Variants in PNCK observed in about 807,000 individuals in gnomAD.
The protein encoded by PNCK is pregnancy up-regulated nonubiquitous CaM kinase.
A neutral mutation model predicts 28.3 loss-of-function variants in PNCK; 21 were observed. The observed-to-expected ratio is 0.74, with a 90% CI of 0.53 to 1.07. The LOEUF (loss-of-function observed/expected upper bound fraction) is 1.07, where lower values mean the gene tolerates loss of function less well. Ranked by LOEUF, PNCK falls within the 50% of genes least tolerant of loss-of-function variation. PNCK has a pLI of 0.00. For missense variants in PNCK, 250 were observed against 298.3 expected (o/e 0.84, Z 1.19); for synonymous variants, 136 against 125.2 (o/e 1.09, Z -0.58).
At chrX:153,673,672 C>T in intron 1 of PNCK, 108 bp downstream of exon 1, 1 of 457,984 alleles carries the variant, frequency 2.2e-6, no homozygotes, top group Non-Finnish European at 2.7e-6. Context: ...GCAGGGGGCG[C>T]GCCAGGCGTG....
chrX:153,682,361 C>A (rs1338644029), intron 1 of PNCK, among the ~76,000 whole-genome samples: 2 of 111,877 alleles, frequency 1.8e-5, no homozygotes, highest in African/African-American at 6.5e-5. Context: ...GCTCACGGCA[C>A]CCTTGACCTC....
At chrX:153,687,292 ACT>A in intron 1 of PNCK, 3 of 275,662 alleles carry the variant, frequency 1.1e-5, no homozygotes, top group South Asian at 6.6e-5. Flanking sequence ...GCCCCTACCC[ACT>A]CTCACGCCAG....
chrX:153,683,328 GACGGGGCTTC>G (rs1386980587), intron 1 of PNCK, among the ~76,000 whole-genome samples: 5 of 110,776 alleles, frequency 4.5e-5, no homozygotes, highest in Admixed American at 1.9e-4. Context: ...TTTTAGTAGA[GACGGGGCTTC>G]ACCATGTTAG....
In PNCK at chrX:153,672,784, C is replaced by T. The variant is rs192932061; in HGVS notation, c.69-87G>A. 7.8e-4 allele frequency: 824 copies of T among 1,059,295 alleles called. 7 individuals are homozygous for T. The East Asian group carries it at 0.024, about 31-fold the overall frequency. The allele number at this position is 1,059,295 out of a possible 1,213,427, so 87.3% of individuals were successfully genotyped here. On this transcript the variant is annotated intron_variant, in intron 2 of 11. Transcript: ENST00000340888. ...AGAGAGAGTGGAGCGGGGAGGGCCC[C>T]CTGTGAAGGAGATGGGGAGGCCCTA...
At chrX:153,674,049 A>G (rs1443833153), upstream of PNCK, 2 of 1,204,010 alleles carry the variant, frequency 1.7e-6, no homozygotes, top group African/African-American at 3.5e-5. Context: ...CCTTTGCACC[A>G]CCGGTGGCTG....
At chrX:153,673,199 C>T in intron 1 of PNCK, 121 bp from the exon 2 acceptor site, 1 of 1,186,837 alleles carries the variant, frequency 8.4e-7, no homozygotes, top group Non-Finnish European at 1.1e-6. Flanking sequence ...CTCGACCCTC[C>T]CCTCCCCCGT....
chrX:153,685,611 G>A (rs782614685), intron 1 of PNCK, among the ~76,000 whole-genome samples: 1 of 112,679 alleles, frequency 8.9e-6, no homozygotes, highest in African/African-American at 3.2e-5. Context: ...TGTGGGCCCC[G>A]CGTGGAGGGA....
chrX:153,675,102 G>T (rs2091357794), upstream of PNCK: 1 of 111,209 alleles, frequency 9.0e-6, no homozygotes, highest in African/African-American at 3.3e-5. Flanking sequence ...ATCTAAAACA[G>T]AAAAAAATAG....
At chrX:153,673,703 C>G (rs2091343251) in intron 1 of PNCK, 77 bp downstream of exon 1, 1 of 596,528 alleles carries the variant, frequency 1.7e-6, no homozygotes, top group South Asian at 8.4e-5. Flanking sequence ...TGCGGACGCG[C>G]AAGGCTGCGG....
chrX:153,677,641 ATAGTGTATATATATAGT>A (rs1557041841), upstream of PNCK, among the ~76,000 whole-genome samples: 15 of 99,546 alleles, frequency 1.5e-4, no homozygotes, highest in African/African-American at 5.6e-4. Flanking sequence ...GTGTATATAT[ATAGTGTATATATATAGT>A]GTGTATATAT....
At chrX:153,685,112 G>A (rs186657278) in intron 1 of PNCK, among the ~76,000 whole-genome samples, 2 of 106,237 alleles carry the variant, frequency 1.9e-5, no homozygotes, top group Admixed American at 2.0e-4. Flanking sequence ...ACAAGGGCCT[G>A]GCAAGACAGG....
At chrX:153,676,072 T>C (rs185118512), upstream of PNCK, among the ~76,000 whole-genome samples, 349 of 103,463 alleles carry the variant, frequency 3.4e-3, 2 homozygotes, top group African/African-American at 0.012. Context: ...AAATAAATCA[T>C]AAGTTTAGAA....
chrX:153,670,067 A>G lies in PNCK; in HGVS notation c.*71T>C. 1 of 275,869 alleles carries G rather than the reference A, an allele frequency of 3.6e-6. No homozygotes were observed. Among genetic ancestry groups the G allele is most frequent in the Non-Finnish European group, 6.8e-6 (1 of 146,716 alleles). The allele number at this position is 275,869 out of a possible 1,213,427, so 22.7% of individuals were successfully genotyped here. The stretch of plus-strand genomic sequence containing the variant: ...CAGCCCCAGGGGGAGGGGTTGGGGG[A>G]GGGGACCGAAAGCATCCAAGGGAAG... On this transcript the variant is annotated 3_prime_UTR_variant, in exon 12 of 12. Transcript: ENST00000340888.
intron 2 of PNCK, 133 bp from the exon 3 acceptor site, chrX:153,672,830 C>T (rs1165298500): frequency 1.1e-6 from 1 of 919,841 alleles, no homozygotes; most frequent in African/African-American, 2.0e-5. Flanking sequence ...TGCCACCCCC[C>T]ACCACCACTC....
At chrX:153,684,505 C>T (rs782454330) in intron 1 of PNCK, among the ~76,000 whole-genome samples, 11 of 107,475 alleles carry the variant, frequency 1.0e-4, no homozygotes, top group Non-Finnish European at 1.9e-4. Context: ...CTGTTCTCCG[C>T]TTGGCTGCAG....
At chrX:153,675,732 G>A (rs1182832718), upstream of PNCK, among the ~76,000 whole-genome samples, 4 of 110,549 alleles carry the variant, frequency 3.6e-5, no homozygotes, top group South Asian at 3.9e-4. Context: ...TACCATGTTG[G>A]CCAGGCTGGT....
At chrX:153,685,210 G>A (rs1176787707) in intron 1 of PNCK, among the ~76,000 whole-genome samples, 1 of 110,778 alleles carries the variant, frequency 9.0e-6, no homozygotes, top group Non-Finnish European at 1.9e-5. Context: ...CCCAGCAGCT[G>A]CTGCCCCCGG....
chrX:153,672,097 C>A, intron 4 of PNCK, 29 bp downstream of exon 4: 1 of 1,196,633 alleles, frequency 8.4e-7, no homozygotes, highest in Non-Finnish European at 1.1e-6. Flanking sequence ...CCCTCCCCGG[C>A]TCCCACAGCC....
chrX:153,671,613 A>G lies in PNCK; in HGVS notation c.474T>C (p.Phe158=), dbSNP rs782006753. The G allele has an allele frequency of 9.9e-6, 12 of 1,208,528 alleles. No homozygotes were observed. In the South Asian group the frequency reaches 2.1e-4, roughly 22 times the overall value. Residue 158 remains phenylalanine (F), a synonymous_variant, in exon 6 of 12, where the codon TTT becomes TTC. Transcript: ENST00000340888. Reference sequence around the variant, plus strand: ...TCCCAGCCTGGATTTTGGAGAGTCCAAAGTCAGAGACCATGATCTTCGAGT... The same window carrying G: ...TCCCAGCCTGGATTTTGGAGAGTCCGAAGTCAGAGACCATGATCTTCGAGT... ...FEDSKIMVSD[F]GLSKIQAGNM... is the part of the protein sequence containing the mutation.
Sources: gnomAD v4.1 joint callset for allele counts (sites outside exome capture counted in the v4.1 genomes callset) on GRCh38, gnomAD v4.1.1 for gene constraint, MANE v1.5 for transcripts, NCBI Gene and HGNC (gene_info 2026-07-23, HGNC 2026-07-21) for gene names.